TNFSF4: variants seen among roughly 807,000 people sequenced by gnomAD.
The protein encoded by TNFSF4 is tumor necrosis factor ligand superfamily member 4.
TNFSF4 carries 4 observed loss-of-function variants against 7.3 expected under a neutral mutation model. The ratio of observed to expected loss-of-function variants is 0.55; its 90% CI spans 0.27 to 1.25. TNFSF4 has a LOEUF of 1.25. TNFSF4 is among the 50% of genes most tolerant of loss of function. TNFSF4 has a pLI of 0.12. For synonymous variants in TNFSF4, 76 were observed against 83.7 expected, an observed-to-expected ratio of 0.91 and a Z score of 0.50; for missense variants, 181 against 208.8, an observed-to-expected ratio of 0.87 and a Z score of 0.82.
chr1:173,225,775 T>C, the TNFSF4 span, among the ~76,000 whole-genome samples: 1 of 152,182 alleles, frequency 6.6e-6, no homozygotes, highest in East Asian at 1.9e-4. Flanking sequence ...TAAATTGCTA[T>C]ATCTCAGACC....
At chr1:173,402,409 C>T in the TNFSF4 span, among the ~76,000 whole-genome samples, 13 of 152,196 alleles carry the variant, frequency 8.5e-5, no homozygotes, top group Admixed American at 3.3e-4. Flanking sequence ...CACAGCCCAG[C>T]TTGTGTATAC....
the TNFSF4 span, among the ~76,000 whole-genome samples, chr1:173,441,253 CTTCT>C: frequency 6.6e-6 from 1 of 152,110 alleles, no homozygotes; most frequent in Non-Finnish European, 1.5e-5. Context: ...TCACCCTTTT[CTTCT>C]TTTTCATCCT....
the TNFSF4 span, among the ~76,000 whole-genome samples, chr1:173,384,654 C>T: frequency 1.3e-5 from 2 of 151,970 alleles, no homozygotes; most frequent in African/African-American, 4.8e-5. Flanking sequence ...AGTGCTACTG[C>T]AAATTTAGAG....
chr1:173,432,083 G>T, the TNFSF4 span, among the ~76,000 whole-genome samples: 4 of 152,254 alleles, frequency 2.6e-5, no homozygotes, highest in East Asian at 7.7e-4. Flanking sequence ...AGCAGAAGAG[G>T]TCCTCCACAA....
the TNFSF4 span, among the ~76,000 whole-genome samples, chr1:173,319,823 AC>A: frequency 2.6e-5 from 4 of 151,610 alleles, no homozygotes; most frequent in African/African-American, 7.3e-5. Flanking sequence ...AACAAAGAAG[AC>A]CCCCCCACAA....
chr1:173,295,745 C>T, the TNFSF4 span, among the ~76,000 whole-genome samples: 5 of 151,950 alleles, frequency 3.3e-5, no homozygotes, highest in Admixed American at 3.3e-4. Context: ...AATGAGCTAT[C>T]TATTTGTAAA....
downstream of TNFSF4, among the ~76,000 whole-genome samples, chr1:173,180,414 A>G (rs1355522002): frequency 6.6e-6 from 1 of 152,196 alleles, no homozygotes; most frequent in Non-Finnish European, 1.5e-5. Context: ...TAGAAATTCA[A>G]TCGGTATCTG....
chr1:173,340,361 CACACACAT>C, the TNFSF4 span, among the ~76,000 whole-genome samples: 3 of 150,406 alleles, frequency 2.0e-5, no homozygotes, highest in East Asian at 1.9e-4. Context: ...CACACACACA[CACACACAT>C]ACCCTATTAG....
the TNFSF4 span, among the ~76,000 whole-genome samples, chr1:173,216,611 A>ATT: frequency 6.6e-6 from 1 of 151,986 alleles, no homozygotes; most frequent in Admixed American, 6.6e-5. Context: ...ATGAGCCATG[A>ATT]TTTTCTCTCT....
the TNFSF4 span, among the ~76,000 whole-genome samples, chr1:173,229,371 C>A: frequency 6.6e-6 from 1 of 152,162 alleles, no homozygotes; most frequent in African/African-American, 2.4e-5. Context: ...CCTTTACAGA[C>A]AAGCAAGTGC....
At chr1:173,356,622 C>T in the TNFSF4 span, among the ~76,000 whole-genome samples, 1,328 of 152,320 alleles carry the variant, frequency 8.7e-3, 14 homozygotes, top group Non-Finnish European at 0.014. Context: ...GAGTTCACAT[C>T]CTGTCCATAG....
the TNFSF4 span, among the ~76,000 whole-genome samples, chr1:173,326,015 A>G: frequency 2.6e-5 from 4 of 152,246 alleles, no homozygotes; most frequent in Non-Finnish European, 5.9e-5. Flanking sequence ...AACTCATATT[A>G]TGAGGCCAAC....
chr1:173,432,195 T>A, the TNFSF4 span, among the ~76,000 whole-genome samples: 1 of 152,102 alleles, frequency 6.6e-6, no homozygotes, highest in African/African-American at 2.4e-5. Flanking sequence ...CAGTGAGGAA[T>A]CCAGTCCAAA....
the TNFSF4 span, among the ~76,000 whole-genome samples, chr1:173,247,880 A>G: frequency 6.6e-6 from 1 of 152,226 alleles, no homozygotes; most frequent in Non-Finnish European, 1.5e-5. Context: ...AGCAGAAATG[A>G]TAAGACTTTT....
At chr1:173,308,285 C>CTCTCTCTCTGTGTG in the TNFSF4 span, among the ~76,000 whole-genome samples, 311 of 135,096 alleles carry the variant, frequency 2.3e-3, 2 homozygotes, top group African/African-American at 8.6e-3. Context: ...CTCTCTCTCT[C>CTCTCTCTCTGTGTG]TGTGTGTGTG....
the TNFSF4 span, among the ~76,000 whole-genome samples, chr1:173,373,244 C>T: frequency 6.6e-6 from 1 of 152,186 alleles, no homozygotes; most frequent in Non-Finnish European, 1.5e-5. Context: ...CAGTCTTACA[C>T]TGCCAAAGCC....
the TNFSF4 span, among the ~76,000 whole-genome samples, chr1:173,236,374 A>G: frequency 2.6e-5 from 4 of 151,082 alleles, no homozygotes; most frequent in Non-Finnish European, 5.9e-5. Context: ...TCCAAGGCAC[A>G]GTGTTTTCTG....
chr1:173,203,631 A>T (rs1195155064), intron 1 of TNFSF4, among the ~76,000 whole-genome samples: 1 of 152,192 alleles, frequency 6.6e-6, no homozygotes, highest in Non-Finnish European at 1.5e-5. Context: ...GCTTTCACTG[A>T]TACAGAACTG....
the TNFSF4 span, among the ~76,000 whole-genome samples, chr1:173,360,750 G>A: frequency 9.2e-5 from 14 of 152,312 alleles, no homozygotes; most frequent in African/African-American, 2.6e-4. Flanking sequence ...CTCACTGTGC[G>A]GGCAAGGAAC....
Sources: gnomAD v4.1 joint callset for allele counts (sites outside exome capture counted in the v4.1 genomes callset) on GRCh38, gnomAD v4.1.1 for gene constraint, MANE v1.5 for transcripts, NCBI Gene and HGNC (gene_info 2026-07-23, HGNC 2026-07-21) for gene names.